ADAMTSL1: variants seen among roughly 807,000 people sequenced by gnomAD.
ADAMTSL1 encodes the protein ADAMTS like 1, also known as ADAMTS-like protein 1.
In ADAMTSL1, 126 loss-of-function variants were observed where a neutral mutation model predicts 201.8. The ratio of observed to expected loss-of-function variants is 0.62; its 90% CI spans 0.54 to 0.72. The LOEUF is 0.72. Ranked by LOEUF, ADAMTSL1 falls within the 30% of genes least tolerant of loss-of-function variation. The pLI is 0.00. For synonymous variants in ADAMTSL1, 1,121 were observed against 903.4 expected, an observed-to-expected ratio of 1.24 and a Z score of -4.32; for missense variants, 2,679 against 2,277.8, an observed-to-expected ratio of 1.18 and a Z score of -3.59.
At position 17,924,888 on chromosome 9, in the gene ADAMTSL1, A is replaced by C. The variant is rs1209901108; in HGVS notation, c.87+17966A>C. Reference sequence around the variant, plus strand: ...TTAAACTAAAGAGCTTCTGCACAGCAAAAGAAACTACCATCAGAGTGAACA... The same window carrying C: ...TTAAACTAAAGAGCTTCTGCACAGCCAAAGAAACTACCATCAGAGTGAACA... On this transcript the variant is annotated intron_variant, in intron 1 of 29. Coordinates refer to the ADAMTSL1 transcript ENST00000680146. 5.4e-3 allele frequency among the ~76,000 whole-genome samples: 538 copies of C among 100,008 alleles called. 3 individuals are homozygous for C. The highest frequency in any genetic ancestry group is 0.018 in the African/African-American group (516 of 28,280). The allele number at this position is 100,008 out of a possible 152,430, so 65.6% of individuals were successfully genotyped here.
chr9:18,568,257 A>G (rs1407888571), intron 3 of ADAMTSL1, among the ~76,000 whole-genome samples: 1 of 152,222 alleles, frequency 6.6e-6, no homozygotes, highest in Non-Finnish European at 1.5e-5. Context: ...GATATTTGCT[A>G]TTCAGTGCTT....
chr9:18,054,058 A>G (rs1822061123), intron 1 of ADAMTSL1, among the ~76,000 whole-genome samples: 1 of 152,158 alleles, frequency 6.6e-6, no homozygotes, highest in South Asian at 2.1e-4. Context: ...AGATGCTTAC[A>G]TGATAGAAAC....
intron 1 of ADAMTSL1, among the ~76,000 whole-genome samples, chr9:17,977,158 A>T (rs1216525509): frequency 6.6e-6 from 1 of 152,062 alleles, no homozygotes; most frequent in Non-Finnish European, 1.5e-5. Context: ...ATATCCTTGT[A>T]TCCCAGAGAT....
intron 26 of ADAMTSL1, among the ~76,000 whole-genome samples, chr9:18,893,543 T>C (rs62550762): frequency 5.9e-5 from 9 of 152,318 alleles, no homozygotes; most frequent in Middle Eastern, 3.4e-3. Context: ...AATTCTAATA[T>C]GGTAGGTCTG....
chr9:18,304,436 T>C (rs1359160656), intron 2 of ADAMTSL1, among the ~76,000 whole-genome samples: 1 of 151,452 alleles, frequency 6.6e-6, no homozygotes, highest in Non-Finnish European at 1.5e-5. Context: ...AGTGTTATCA[T>C]GTGATATTAA....
chr9:18,223,871 G>A (rs1484042672), intron 2 of ADAMTSL1, among the ~76,000 whole-genome samples: 1 of 151,886 alleles, frequency 6.6e-6, no homozygotes, highest in East Asian at 1.9e-4. Flanking sequence ...TTTGAGGCCT[G>A]GGTTTAACGT....
intron 24 of ADAMTSL1, 148 bp from the exon 25 acceptor site, chr9:18,889,420 C>A (rs374501400): frequency 7.5e-5 from 63 of 840,694 alleles, no homozygotes; most frequent in East Asian, 3.3e-4. Flanking sequence ...TGGTTCCCTG[C>A]GAGGAGCAGG....
At chr9:18,641,219 T>C (rs1827414669) in intron 7 of ADAMTSL1, among the ~76,000 whole-genome samples, 1 of 152,096 alleles carries the variant, frequency 6.6e-6, no homozygotes, top group Non-Finnish European at 1.5e-5. Flanking sequence ...GATCTCCTCC[T>C]TCCAGGAGTA....
intron 2 of ADAMTSL1, among the ~76,000 whole-genome samples, chr9:18,313,485 T>C (rs1164038613): frequency 6.6e-6 from 1 of 152,140 alleles, no homozygotes; most frequent in African/African-American, 2.4e-5. Context: ...TACCAATCAC[T>C]GGGTCAAACC....
chr9:18,640,547 A>C (rs1439598866), intron 7 of ADAMTSL1, among the ~76,000 whole-genome samples: 1 of 152,072 alleles, frequency 6.6e-6, no homozygotes, highest in Non-Finnish European at 1.5e-5. Context: ...CAAATGTGTT[A>C]CATCTATCCA....
intron 2 of ADAMTSL1, among the ~76,000 whole-genome samples, chr9:18,173,485 A>G (rs936578060): frequency 3.9e-5 from 6 of 152,122 alleles, no homozygotes; most frequent in African/African-American, 1.4e-4. Context: ...GAAAACCATT[A>G]TCCTTTAAGG....
intron 23 of ADAMTSL1, among the ~76,000 whole-genome samples, chr9:18,886,378 C>T (rs1033996691): frequency 1.3e-5 from 2 of 151,448 alleles, no homozygotes; most frequent in Admixed American, 1.3e-4. Flanking sequence ...CGAGCGAGAC[C>T]CTGTCAACAA....
In ADAMTSL1 at chr9:18,657,685, A is replaced by G. The variant is rs1453670736; in HGVS notation, c.881A>G (p.Tyr294Cys). The G allele has an allele frequency of 1.9e-6, 3 of 1,614,108 alleles. No individual in the cohort carries two copies. Among genetic ancestry groups the G allele is most frequent in the Admixed American group, 1.7e-5 (1 of 60,004 alleles). ...SADSTVQFIF[Y>C]QPIIHRWRET... Reference sequence around the variant, plus strand: ...GACAGTACAGTCCAGTTCATCTTCTATCAACCCATCATCCACCGATGGAGG... The same window carrying G: ...GACAGTACAGTCCAGTTCATCTTCTGTCAACCCATCATCCACCGATGGAGG... Residue 294 changes from tyrosine to cysteine, a missense_variant, in exon 8 of 29, where the codon TAT (tyrosine) becomes TGT (cysteine). By Grantham distance (194) the Tyr-to-Cys change is radical. Transcript: ENST00000380548.
In ADAMTSL1 at chr9:18,276,476, G is replaced by A. The variant is rs111868914; in HGVS notation, c.207+112495G>A. On this transcript the variant is annotated intron_variant, in intron 2 of 29. Transcript: ENST00000680146. ...AAAGTTTTATAGTTTCAGCTGTTAG[G>A]TTTGGGTCTCTCATATATTTCAAAT... 5.3e-3 allele frequency among the ~76,000 whole-genome samples: 813 copies of A among 152,266 alleles called. 4 individuals carry two copies. Among genetic ancestry groups the A allele is most frequent in the African/African-American group, 0.017 (725 of 41,540 alleles).
intron 1 of ADAMTSL1, among the ~76,000 whole-genome samples, chr9:17,914,005 G>A (rs1412056311): frequency 6.6e-6 from 1 of 152,126 alleles, no homozygotes; most frequent in East Asian, 1.9e-4. Context: ...CGAATAACAG[G>A]CTCTGAAATT....
In ADAMTSL1 at chr9:18,226,872, AAT is replaced by A. The variant is rs1188663043; in HGVS notation, c.207+62894_207+62895del. 2.0e-5 allele frequency among the ~76,000 whole-genome samples: 3 copies of A among 152,080 alleles called. No homozygotes were observed. The East Asian group carries it at 5.8e-4, about 29-fold the overall frequency. On this transcript the variant is annotated intron_variant, in intron 2 of 29. Coordinates refer to the ADAMTSL1 transcript ENST00000680146. ...GAATAATAATCATGAATCCAGCATG[AAT>A]ATGTTTATTTGTTGACACAGTTATA...
At chr9:18,249,609 C>A (rs1243121848) in intron 2 of ADAMTSL1, among the ~76,000 whole-genome samples, 1 of 152,156 alleles carries the variant, frequency 6.6e-6, no homozygotes, top group Non-Finnish European at 1.5e-5. Context: ...GTTATTGTTT[C>A]ATGCTTAATT....
At chr9:18,484,102 T>C (rs956326346) in intron 1 of ADAMTSL1, among the ~76,000 whole-genome samples, 3 of 152,192 alleles carry the variant, frequency 2.0e-5, no homozygotes, top group African/African-American at 7.2e-5. Context: ...CAGTGCAAAA[T>C]AGCATCTTCA....
intron 2 of ADAMTSL1, among the ~76,000 whole-genome samples, chr9:18,219,282 C>A (rs1830167111): frequency 6.6e-6 from 1 of 151,664 alleles, no homozygotes; most frequent in South Asian, 2.1e-4. Flanking sequence ...ATACGGATAA[C>A]TGCTATCTTC....
Sources: gnomAD v4.1 joint callset for allele counts (sites outside exome capture counted in the v4.1 genomes callset) on GRCh38, gnomAD v4.1.1 for gene constraint, MANE v1.5 for transcripts, NCBI Gene and HGNC (gene_info 2026-07-23, HGNC 2026-07-21) for gene names.